The following DNAH12 variants were observed in gnomAD, a reference collection of about 807,000 sequenced individuals.
The protein encoded by DNAH12 is dynein axonemal heavy chain 12.
Under a neutral mutation model 371.5 loss-of-function variants are expected in DNAH12, and 285 were observed. That is an observed-to-expected ratio of 0.77 (90% CI 0.70 to 0.85). The LOEUF (loss-of-function observed/expected upper bound fraction) is 0.85, where lower values mean the gene tolerates loss of function less well. Ranked by LOEUF, DNAH12 falls within the 40% of genes least tolerant of loss-of-function variation. The pLI is 0.00. For synonymous variants in DNAH12, 1,200 were observed against 1,213.0 expected (o/e 0.99, Z 0.22); for missense variants, 3,611 against 3,689.4 (o/e 0.98, Z 0.55).
chr3:57,340,947 A>G (rs782748469), intron 60 of DNAH12, among the ~76,000 whole-genome samples: 1 of 152,236 alleles, frequency 6.6e-6, no homozygotes, highest in Non-Finnish European at 1.5e-5. Context: ...ATACACTATT[A>G]TCAAGTGGAT....
rs1036558011 is a variant in DNAH12 at position 57,376,144 on chromosome 3, A to G, written c.8466-179T>C. ...CTCTTATACGCTATAACATGTATCT[A>G]TATTATGTGAATGACAATCTTCCTT... On this transcript the variant is annotated intron_variant, in intron 53 of 73. Transcript: ENST00000495027. Among the ~76,000 whole-genome samples, 71 of 152,142 alleles carry G rather than the reference A, an allele frequency of 4.7e-4. 3 individuals carry two copies. The South Asian group carries it at 0.014, about 31-fold the overall frequency.
chr3:57,431,684 G>A (rs1208892967), intron 32 of DNAH12, among the ~76,000 whole-genome samples: 1 of 152,136 alleles, frequency 6.6e-6, no homozygotes, highest in Non-Finnish European at 1.5e-5. Flanking sequence ...CTATGCCTAA[G>A]CTGCTTAGAC....
At chr3:57,439,286 A>G (rs1392741225) in intron 29 of DNAH12, among the ~76,000 whole-genome samples, 1 of 152,230 alleles carries the variant, frequency 6.6e-6, no homozygotes, top group East Asian at 1.9e-4. Flanking sequence ...CAGAGGAATC[A>G]CATTACCCAA....
At position 57,491,707 on chromosome 3, in the gene DNAH12, A is replaced by G. The variant is rs924056578; in HGVS notation, c.1336-2020T>C. On this transcript the variant is annotated intron_variant, in intron 11 of 73. Transcript: ENST00000495027. ...CCCCAGCACTTTGGGAGACTGAGAC[A>G]GGAGGATTGCTTGAAGCCAGGAGTT... 3.3e-5 allele frequency among the ~76,000 whole-genome samples: 5 copies of G among 152,142 alleles called. No individual in the cohort carries two copies. In the South Asian group the frequency reaches 1.0e-3, roughly 32 times the overall value.
intron 49 of DNAH12, among the ~76,000 whole-genome samples, chr3:57,383,303 T>C (rs1254440080): frequency 6.6e-6 from 1 of 152,128 alleles, no homozygotes; most frequent in Non-Finnish European, 1.5e-5. Flanking sequence ...ACTCAGGTAA[T>C]ACAGCATTTG....
rs1295016321 is a variant in DNAH12, at chr3:57,297,347, T to C, written c.11395-363A>G. 2.0e-5 allele frequency: 4 copies of C among 199,692 alleles called. No homozygotes were observed. The East Asian group carries it at 6.0e-4, about 30-fold the overall frequency. The allele number at this position is 199,692 out of a possible 1,614,324, so 12.4% of individuals were successfully genotyped here. On this transcript the variant is annotated intron_variant, in intron 70 of 73. Transcript: ENST00000495027. The stretch of plus-strand genomic sequence containing the variant: ...TATAGACCTCATTTGTTGATTCCAG[T>C]TCCTTAACCCTATTTTTTTTTTTTT...
chr3:57,515,141 G>T (rs1442172985), intron 4 of DNAH12, among the ~76,000 whole-genome samples: 1 of 152,018 alleles, frequency 6.6e-6, no homozygotes, highest in African/African-American at 2.4e-5. Flanking sequence ...GAGAGAGAGA[G>T]AGAAATAATT....
chr3:57,422,663 A>T (rs958451787), intron 35 of DNAH12, among the ~76,000 whole-genome samples: 3 of 145,228 alleles, frequency 2.1e-5, no homozygotes, highest in African/African-American at 7.3e-5. Flanking sequence ...AAACAAAAAT[A>T]AATAAATAAA....
At position 57,501,233 on chromosome 3, in the gene DNAH12, T is replaced by C. The variant is rs1274350633; in HGVS notation, c.1335+88A>G. ...AAATGATATTTTAAATAAGAAATTC[T>C]ATTTAAGCATTTACTTTTTAGAATG... On this transcript the variant is annotated intron_variant, in intron 11 of 73. Coordinates refer to ENST00000495027, the MANE Select transcript of DNAH12 (RefSeq NM_001366028.2). The C allele has an allele frequency of 5.4e-6, 5 of 929,550 alleles. No individual in the cohort carries two copies. The East Asian group carries it at 1.4e-4, about 26-fold the overall frequency. The allele number at this position is 929,550 out of a possible 1,614,324, so 57.6% of individuals were successfully genotyped here. A position where few individuals can be genotyped will look rare whatever the true frequency, so the allele number is the denominator to read the frequency against.
At chr3:57,315,568 T>A (rs1471719129) in intron 65 of DNAH12, among the ~76,000 whole-genome samples, 1 of 152,046 alleles carries the variant, frequency 6.6e-6, no homozygotes, top group Non-Finnish European at 1.5e-5. Flanking sequence ...AACTGAATGA[T>A]CACATTTGTT....
In DNAH12 at chr3:57,483,494, T is replaced by C. The variant is rs544036912; in HGVS notation, c.1532A>G (p.Glu511Gly). The C allele has an allele frequency of 6.5e-7, 1 of 1,550,260 alleles. No homozygotes were observed. Among genetic ancestry groups the C allele is most frequent in the Non-Finnish European group, 8.7e-7 (1 of 1,146,632 alleles). Residue 511 changes from glutamate to glycine, a missense_variant, in exon 13 of 74, where the codon GAA becomes GGA. Transcript: ENST00000495027. ...TTTTAATGCATGTTCTTTAATTGCT[T>C]CAAATTCACTGCAAATACTGACATA... ...KENECICSEF[E>G]AIKEHALKVP...
At chr3:57,509,271 A>G in intron 5 of DNAH12, 59 bp from the exon 6 acceptor site, 2 of 1,496,566 alleles carry the variant, frequency 1.3e-6, no homozygotes, top group East Asian at 4.5e-5. Context: ...TATTAATATC[A>G]AAGTTTCTAA....
chr3:57,296,332 G>A lies in DNAH12; in HGVS notation c.11624+12C>T. On this transcript the variant is annotated intron_variant, in intron 72 of 73. Transcript: ENST00000495027. ...TACAAATGAAGAGGTCCTGGCAGCT[G>A]AATCCACTGACCTTTCTCGGTCCCA... The A allele has an allele frequency of 6.5e-7, 1 of 1,535,522 alleles. No individual in the cohort carries two copies. Among genetic ancestry groups the A allele is most frequent in the Non-Finnish European group, 8.8e-7 (1 of 1,134,878 alleles).
At chr3:57,390,424 A>AAAAAAAATATAT in intron 45 of DNAH12, among the ~76,000 whole-genome samples, 7 of 33,430 alleles carry the variant, frequency 2.1e-4, no homozygotes, top group African/African-American at 2.5e-4. Context: ...AAAAAAAAAA[A>AAAAAAAATATAT]ATATATATAT....
At chr3:57,298,766 G>C (rs2061284571) in intron 70 of DNAH12, among the ~76,000 whole-genome samples, 1 of 152,070 alleles carries the variant, frequency 6.6e-6, no homozygotes, top group Non-Finnish European at 1.5e-5. Flanking sequence ...TGAAATCCCA[G>C]AGCATTTTAC....
At chr3:57,301,984 A>T in intron 69 of DNAH12, 45 bp from the exon 70 acceptor site, 2 of 1,513,840 alleles carry the variant, frequency 1.3e-6, no homozygotes, top group Non-Finnish European at 1.8e-6. Context: ...GATGATATCA[A>T]CATACGGTCT....
intron 58 of DNAH12, among the ~76,000 whole-genome samples, 196 bp downstream of exon 58, chr3:57,363,398 C>A (rs919378054): frequency 2.0e-5 from 3 of 151,712 alleles, no homozygotes; most frequent in Non-Finnish European, 4.4e-5. Flanking sequence ...TAGATCAGAC[C>A]AGGTTTTAAA....
At chr3:57,545,480 G>C (rs1048818493), upstream of DNAH12, among the ~76,000 whole-genome samples, 1 of 151,526 alleles carries the variant, frequency 6.6e-6, no homozygotes, top group Non-Finnish European at 1.5e-5. Flanking sequence ...TTTAAACTCA[G>C]TCCTATGACA....
At chr3:57,461,284 T>C (rs938694494) in intron 19 of DNAH12, among the ~76,000 whole-genome samples, 1 of 152,138 alleles carries the variant, frequency 6.6e-6, no homozygotes, top group Non-Finnish European at 1.5e-5. Context: ...TAAAAATCAT[T>C]TATGTCTCAG....
Sources: allele counts gnomAD v4.1 joint callset (sites outside exome capture counted in the v4.1 genomes callset), GRCh38; gene constraint gnomAD v4.1.1; transcripts MANE v1.5; gene names NCBI Gene and HGNC (gene_info 2026-07-23, HGNC 2026-07-21).